Variants in IMMP1L observed in about 807,000 individuals in gnomAD.
IMMP1L encodes inner mitochondrial membrane peptidase subunit 1.
Under a neutral mutation model 21.8 loss-of-function variants are expected in IMMP1L, and 24 were observed. The ratio of observed to expected loss-of-function variants is 1.10; its 90% CI spans 0.80 to 1.55. The LOEUF (loss-of-function observed/expected upper bound fraction) is 1.55, where lower values mean the gene tolerates loss of function less well. IMMP1L is among the 40% of genes most tolerant of loss of function. The probability of loss-of-function intolerance (pLI) is 0.00; values close to 1 mark genes in which losing one functional copy is unlikely to be tolerated. For synonymous variants in IMMP1L, 46 were observed against 62.8 expected, an observed-to-expected ratio of 0.73 and a Z score of 1.26; for missense variants, 195 against 200.7, an observed-to-expected ratio of 0.97 and a Z score of 0.17.
At chr11:31,470,082 CA>C (rs1954490963) in intron 1 of IMMP1L, among the ~76,000 whole-genome samples, 3 of 152,080 alleles carry the variant, frequency 2.0e-5, no homozygotes, top group Admixed American at 6.5e-5. Flanking sequence ...TATACGCTAA[CA>C]GGAATAATTC....
At chr11:31,455,253 G>A (rs946887810) in intron 4 of IMMP1L, among the ~76,000 whole-genome samples, 1 of 152,148 alleles carries the variant, frequency 6.6e-6, no homozygotes, top group African/African-American at 2.4e-5. Flanking sequence ...TGTTTACATT[G>A]AGGATGAATA....
intron 1 of IMMP1L, among the ~76,000 whole-genome samples, chr11:31,475,155 GTA>G (rs1359689879): frequency 1.3e-5 from 2 of 151,972 alleles, no homozygotes; most frequent in Non-Finnish European, 2.9e-5. Context: ...TAGTCCACTG[GTA>G]TTTTCTGAAT....
chr11:31,507,688 G>A (rs763796973), intron 1 of IMMP1L, among the ~76,000 whole-genome samples: 4 of 151,916 alleles, frequency 2.6e-5, no homozygotes, highest in Non-Finnish European at 5.9e-5. Flanking sequence ...GGGAGAATTT[G>A]GTCAAAGATA....
At chr11:31,449,140 C>T in intron 4 of IMMP1L, 5 of 891,918 alleles carry the variant, frequency 5.6e-6, no homozygotes, top group Non-Finnish European at 6.7e-6. Flanking sequence ...TAATAAGTGA[C>T]ATTATTAGGC....
At chr11:31,463,971 T>C (rs1349541275) in intron 1 of IMMP1L, among the ~76,000 whole-genome samples, 2 of 152,230 alleles carry the variant, frequency 1.3e-5, no homozygotes, top group Middle Eastern at 3.4e-3. Flanking sequence ...TTTAAAGCTA[T>C]ATAAAATTTT....
chr11:31,490,386 C>G (rs1213680203), intron 1 of IMMP1L, among the ~76,000 whole-genome samples: 1 of 151,440 alleles, frequency 6.6e-6, no homozygotes, highest in Non-Finnish European at 1.5e-5. Context: ...GTAGGAGAAT[C>G]ACTTGAACCC....
Position 31,508,414 on chromosome 11 carries a change from T to C in IMMP1L, c.-30+1105A>G, listed in dbSNP as rs1423228894. Among the ~76,000 whole-genome samples, 12 of 152,324 alleles carry C rather than the reference T, an allele frequency of 7.9e-5. 1 individual carries two copies. Among genetic ancestry groups the C allele is most frequent in the Middle Eastern group, 3.4e-3 (1 of 294 alleles). On this transcript the variant is annotated intron_variant, in intron 1 of 5. Transcript: ENST00000532287. The stretch of plus-strand genomic sequence containing the variant: ...ACAGTAATCACTCAACAGCTATTTA[T>C]TGAGTAACTTAAAGATTCAATATGA...
intron 1 of IMMP1L, among the ~76,000 whole-genome samples, chr11:31,493,930 C>G (rs1223104): frequency 0.086 from 13,028 of 152,284 alleles, 1,524 homozygotes; most frequent in African/African-American, 0.26. Flanking sequence ...TGGGCAACTC[C>G]GCCTCTACGG....
intron 1 of IMMP1L, among the ~76,000 whole-genome samples, chr11:31,471,862 GAAGTCT>G (rs1189220635): frequency 6.6e-6 from 1 of 152,188 alleles, no homozygotes; most frequent in Non-Finnish European, 1.5e-5. Flanking sequence ...TGATAGGTCA[GAAGTCT>G]AACATGGGTA....
intron 1 of IMMP1L, among the ~76,000 whole-genome samples, chr11:31,475,334 T>C (rs1954691197): frequency 1.3e-5 from 2 of 152,198 alleles, no homozygotes; most frequent in South Asian, 2.1e-4. Context: ...TTTCAAAATA[T>C]AGCAGTTGTA....
At chr11:31,484,585 CAT>C (rs1955010731) in intron 1 of IMMP1L, among the ~76,000 whole-genome samples, 1 of 151,844 alleles carries the variant, frequency 6.6e-6, no homozygotes, top group African/African-American at 2.4e-5. Flanking sequence ...AACTCCTATA[CAT>C]ATGTTATTTT....
intron 4 of IMMP1L, among the ~76,000 whole-genome samples, chr11:31,437,609 A>G (rs1190416259): frequency 6.6e-6 from 1 of 152,234 alleles, no homozygotes; most frequent in African/African-American, 2.4e-5. Context: ...TTATAGAGGT[A>G]TATTTTATAT....
chr11:31,461,862 C>T (rs1954151174), intron 2 of IMMP1L, among the ~76,000 whole-genome samples: 1 of 152,090 alleles, frequency 6.6e-6, no homozygotes, highest in South Asian at 2.1e-4. Context: ...AAACTATCAT[C>T]GCCACTTTAA....
At chr11:31,465,210 C>T (rs1954291732) in intron 1 of IMMP1L, among the ~76,000 whole-genome samples, 1 of 151,692 alleles carries the variant, frequency 6.6e-6, no homozygotes, top group Non-Finnish European at 1.5e-5. Context: ...GGCTATAAAA[C>T]ATTAAAAATA....
chr11:31,433,650 G>A, intron 4 of IMMP1L, 80 bp from the exon 5 acceptor site: 1 of 806,446 alleles, frequency 1.2e-6, no homozygotes, highest in Non-Finnish European at 2.0e-6. Flanking sequence ...GTCATTCAGA[G>A]GTAGGGAGAA....
chr11:31,462,308 C>G (rs899274326), intron 2 of IMMP1L, among the ~76,000 whole-genome samples: 1 of 131,552 alleles, frequency 7.6e-6, no homozygotes, highest in African/African-American at 3.4e-5. Context: ...AGAGCAAGAC[C>G]CTGTCTCCAA....
At chr11:31,507,115 T>TA (rs1955802269) in intron 1 of IMMP1L, among the ~76,000 whole-genome samples, 1 of 151,316 alleles carries the variant, frequency 6.6e-6, no homozygotes, top group South Asian at 2.1e-4. Flanking sequence ...CCATCTCTAC[T>TA]AAAAATACAA....
chr11:31,507,801 TA>T lies in IMMP1L; in HGVS notation c.-30+1717del, dbSNP rs1008428227. Among the ~76,000 whole-genome samples the T allele has an allele frequency of 3.3e-5, 5 of 152,144 alleles. No homozygotes were observed. The South Asian group carries it at 8.3e-4, about 25-fold the overall frequency. On this transcript the variant is annotated intron_variant, in intron 1 of 5. Coordinates refer to ENST00000532287, the MANE Select transcript of IMMP1L (RefSeq NM_001304274.2). ...GTTAATAATCATATATTGTATTCTT[TA>T]AAAAAATGTAAACAGTGTAGATGTT...
chr11:31,460,944 C>T (rs1396130965), intron 2 of IMMP1L, among the ~76,000 whole-genome samples: 1 of 151,962 alleles, frequency 6.6e-6, no homozygotes, highest in Non-Finnish European at 1.5e-5. Flanking sequence ...ATTATAATGC[C>T]TGAATAAAAC....
Sources: allele counts gnomAD v4.1 joint callset (sites outside exome capture counted in the v4.1 genomes callset), GRCh38; gene constraint gnomAD v4.1.1; transcripts MANE v1.5; gene names NCBI Gene and HGNC (gene_info 2026-07-23, HGNC 2026-07-21).